The following ABCC4 variants were observed in gnomAD, a reference collection of about 807,000 sequenced individuals.
ABCC4 encodes the protein ATP-binding cassette sub-family C member 4.
A neutral mutation model predicts 168.5 loss-of-function variants in ABCC4; 102 were observed. The ratio of observed to expected loss-of-function variants is 0.61; its 90% confidence interval spans 0.52 to 0.71. The LOEUF (loss-of-function observed/expected upper bound fraction) is 0.71. Among genes scored for constraint, ABCC4 ranks in the 30% least tolerant of loss-of-function variants. The pLI is 0.00. For missense variants in ABCC4, 1,402 were observed against 1,605.8 expected (o/e 0.87, Z 2.17); for synonymous variants, 617 against 590.7 (o/e 1.04, Z -0.65).
intron 13 of ABCC4, among the ~76,000 whole-genome samples, chr13:95,173,530 C>T (rs145981589): frequency 1.5e-4 from 23 of 152,276 alleles, no homozygotes; most frequent in African/African-American, 4.6e-4. Flanking sequence ...GACAGGCAGA[C>T]GTGAGAAATT....
In ABCC4 at chr13:95,024,082, T is replaced by C. The variant is rs568888623; in HGVS notation, c.3871-2400A>G. Among the ~76,000 whole-genome samples the C allele has an allele frequency of 8.6e-5, 13 of 151,724 alleles. No individual in the cohort carries two copies. In the East Asian group the frequency reaches 2.3e-3, roughly 27 times the overall value. ...ATTAGCCAGGCATGGTGGTGCACGCTTGTAGTCCCAGCTACTCGGGAGGCT... is the reference window on the plus strand; with the variant it reads ...ATTAGCCAGGCATGGTGGTGCACGCCTGTAGTCCCAGCTACTCGGGAGGCT... On this transcript the variant is annotated intron_variant, in intron 30 of 30. Transcript: ENST00000645237.
chr13:95,218,987 G>A (rs896049783), intron 4 of ABCC4, among the ~76,000 whole-genome samples: 1,339 of 32,692 alleles, frequency 0.041, 89 homozygotes, highest in African/African-American at 0.085. Flanking sequence ...GAAAGAAAGA[G>A]TGAGAAAGAA....
Position 95,186,738 on chromosome 13 carries a change from C to A in ABCC4, c.1508G>T (p.Arg503Leu). The A allele has an allele frequency of 6.2e-7, 1 of 1,613,950 alleles. No homozygotes were observed. Among genetic ancestry groups the A allele is most frequent in the Non-Finnish European group, 8.5e-7 (1 of 1,179,934 alleles). ...ACAAGCCTTTATGACTTTTTCATAT[C>A]GTTCCTTTTCGTATTTCTTCCCAAA... is the stretch of plus-strand genomic sequence containing the variant. ...ILFGKKYEKE[R>L]YEKVIKACAL... The change falls in exon 11 of 31, where the codon CGA (arginine) becomes CTA (leucine). Residue 503 changes from arginine (R) to leucine (L), a missense_variant. This residue lies in a region of ABCC4 where 1,007 missense variants were observed against 1,127.3 expected (regional missense o/e 0.89). Transcript: ENST00000645237.
intron 3 of ABCC4, among the ~76,000 whole-genome samples, chr13:95,238,923 A>C (rs2039853070): frequency 6.6e-6 from 1 of 152,200 alleles, no homozygotes; most frequent in Admixed American, 6.5e-5. Flanking sequence ...GCTTCCAAGA[A>C]AATCCCTTAG....
At chr13:95,264,043 C>G (rs1472274023) in intron 1 of ABCC4, among the ~76,000 whole-genome samples, 1 of 152,080 alleles carries the variant, frequency 6.6e-6, no homozygotes, top group African/African-American at 2.4e-5. Flanking sequence ...CCAAAGGACC[C>G]AGGAGCTCCC....
intron 20 of ABCC4, among the ~76,000 whole-genome samples, chr13:95,097,592 CTTTTTT>C (rs56169430): frequency 0.15 from 12,084 of 82,600 alleles, 667 homozygotes; most frequent in Middle Eastern, 0.25. Context: ...AATATACATT[CTTTTTT>C]TTTTTTTTTT....
intron 20 of ABCC4, 79 bp from the exon 21 acceptor site, chr13:95,083,369 T>C: frequency 6.7e-7 from 1 of 1,499,904 alleles, no homozygotes; most frequent in African/African-American, 1.4e-5. Flanking sequence ...GTTGTTAGGA[T>C]TACACTCCTT....
chr13:95,177,935 G>C, intron 12 of ABCC4, 62 bp downstream of exon 12: 1 of 1,560,066 alleles, frequency 6.4e-7, no homozygotes, highest in Non-Finnish European at 8.8e-7. Context: ...GGTCCTATGT[G>C]CTCACCACCA....
intron 19 of ABCC4, among the ~76,000 whole-genome samples, chr13:95,151,061 T>C (rs1477091430): frequency 2.0e-5 from 3 of 152,276 alleles, no homozygotes; most frequent in Admixed American, 6.5e-5. Flanking sequence ...ACATATCTGA[T>C]GGAGCTATGC....
chr13:95,044,489 G>A, intron 27 of ABCC4, 51 bp from the exon 28 acceptor site: 1 of 1,537,036 alleles, frequency 6.5e-7, no homozygotes, highest in Non-Finnish European at 8.8e-7. Flanking sequence ...CGCTATGGAA[G>A]TAGTCAAGCC....
intron 19 of ABCC4, among the ~76,000 whole-genome samples, chr13:95,156,831 G>A (rs747862297): frequency 3.9e-5 from 6 of 152,046 alleles, no homozygotes; most frequent in African/African-American, 9.7e-5. Context: ...GGTAGCTCAC[G>A]CCTGTAATCC....
At chr13:95,250,180 A>G (rs1419083618) in intron 1 of ABCC4, among the ~76,000 whole-genome samples, 1 of 152,172 alleles carries the variant, frequency 6.6e-6, no homozygotes, top group Non-Finnish European at 1.5e-5. Flanking sequence ...GCTCCTTAAT[A>G]CCAATGTGTC....
intron 13 of ABCC4, among the ~76,000 whole-genome samples, chr13:95,172,078 A>T (rs1280099911): frequency 1.3e-5 from 2 of 152,234 alleles, no homozygotes; most frequent in African/African-American, 2.4e-5. Context: ...TCTTCCTAAC[A>T]TCTTCCATTG....
At chr13:95,284,102 G>A (rs936867866) in intron 1 of ABCC4, among the ~76,000 whole-genome samples, 1 of 152,144 alleles carries the variant, frequency 6.6e-6, no homozygotes, top group African/African-American at 2.4e-5. Context: ...CCAGCTACTG[G>A]GGAGGCTGAG....
chr13:95,082,541 A>G lies in ABCC4; in HGVS notation c.2686+599T>C, dbSNP rs565735050. On this transcript the variant is annotated intron_variant, in intron 21 of 30. Coordinates refer to ENST00000645237, the MANE Select transcript of ABCC4 (RefSeq NM_005845.5). ...AAACCTCAAACTGTGACATTAGAAC[A>G]AGCACCGCTGGTAACAAATGGAAAA... 1.2e-3 allele frequency among the ~76,000 whole-genome samples: 189 copies of G among 152,332 alleles called. 1 individual carries two copies. Among genetic ancestry groups the G allele is most frequent in the Non-Finnish European group, 1.0e-3 (71 of 68,026 alleles).
chr13:95,086,749 AT>A lies in ABCC4; in HGVS notation c.2536-3460del, dbSNP rs138673484. Among the ~76,000 whole-genome samples, 386 of 152,320 alleles carry A rather than the reference AT, an allele frequency of 2.5e-3. 2 individuals carry two copies. Among genetic ancestry groups the A allele is most frequent in the African/African-American group, 9.0e-3 (373 of 41,572 alleles). On this transcript the variant is annotated intron_variant, in intron 20 of 30. Coordinates refer to ENST00000645237, the MANE Select transcript of ABCC4 (RefSeq NM_005845.5). ...AAAATGCCATCCATCCTTCTGGCTC[AT>A]TCTATTCCTCATTTGAACTCTCCCT...
chr13:95,052,690 GATCT>G (rs1308256003), intron 27 of ABCC4, among the ~76,000 whole-genome samples: 4 of 151,466 alleles, frequency 2.6e-5, no homozygotes, highest in Admixed American at 1.3e-4. Context: ...TCATAAATAT[GATCT>G]ATCTTTTAGT....
intron 20 of ABCC4, among the ~76,000 whole-genome samples, chr13:95,084,732 T>C (rs1010097950): frequency 2.0e-5 from 3 of 152,114 alleles, no homozygotes; most frequent in East Asian, 3.9e-4. Context: ...ATGATAACAA[T>C]AGCAAATGAC....
chr13:95,207,423 A>G (rs2038813906), intron 7 of ABCC4, among the ~76,000 whole-genome samples: 1 of 152,250 alleles, frequency 6.6e-6, no homozygotes, highest in Non-Finnish European at 1.5e-5. Flanking sequence ...GGTCCAATAT[A>G]GATATGCCCA....
Sources: allele counts gnomAD v4.1 joint callset (sites outside exome capture counted in the v4.1 genomes callset), GRCh38; gene constraint gnomAD v4.1.1; regional missense constraint gnomAD v4.1.1; transcripts MANE v1.5; gene names NCBI Gene and HGNC (gene_info 2026-07-23, HGNC 2026-07-21).